The following PBX3 variants were observed in gnomAD, a reference collection of about 807,000 sequenced individuals.
PBX3 encodes the protein PBX homeobox 3.
A neutral mutation model predicts 48.5 loss-of-function variants in PBX3; 14 were observed. The ratio of observed to expected loss-of-function variants is 0.29; its 90% CI spans 0.19 to 0.45. PBX3 has a LOEUF of 0.45. PBX3 is among the 20% of genes least tolerant of loss of function. PBX3 has a pLI of 1.00. For synonymous variants in PBX3, 210 were observed against 200.3 expected (o/e 1.05, Z -0.41); for missense variants, 386 against 546.7 (o/e 0.71, Z 2.93).
At chr9:125,950,482 CTTT>C (rs10623974) in intron 5 of PBX3, among the ~76,000 whole-genome samples, 2 of 143,324 alleles carry the variant, frequency 1.4e-5, no homozygotes, top group African/African-American at 5.1e-5. Flanking sequence ...TTTGCAACTT[CTTT>C]TTTTTTTTTT....
chr9:125,926,678 G>A (rs2132502654), intron 3 of PBX3, among the ~76,000 whole-genome samples: 1 of 152,026 alleles, frequency 6.6e-6, no homozygotes, highest in East Asian at 1.9e-4. Context: ...AAATTACCCG[G>A]GCATGGTGGC....
At chr9:125,872,519 T>C (rs1840148948) in intron 2 of PBX3, among the ~76,000 whole-genome samples, 2 of 152,114 alleles carry the variant, frequency 1.3e-5, no homozygotes, top group African/African-American at 4.8e-5. Context: ...CATTTCTAGG[T>C]TGGGCATAGT....
chr9:125,948,705 CGT>C (rs34522175), intron 5 of PBX3, among the ~76,000 whole-genome samples: 19 of 148,622 alleles, frequency 1.3e-4, no homozygotes, highest in South Asian at 2.1e-4. Context: ...CAGGTATATA[CGT>C]GTGTGTGTGT....
Position 125,748,569 on chromosome 9 carries a change from C to T in PBX3, c.220C>T (p.His74Tyr). ...TTTTAGGAAACATGCCCTGAACTGT[C>T]ACAGAATGAAACCAGCGCTCTTCAG... ...AQAKKHALNC[H>Y]RMKPALFSVL... is the part of the protein sequence containing the mutation. Residue 74 changes from histidine (H) to tyrosine (Y), a missense_variant, in exon 2 of 9, where the codon CAC becomes TAC. Physicochemically the swap from His to Tyr is moderately conservative, Grantham distance 83. Coordinates refer to ENST00000373489, the MANE Select transcript of PBX3 (RefSeq NM_006195.6). The T allele has an allele frequency of 6.2e-7, 1 of 1,613,844 alleles. No homozygotes were observed. The highest frequency in any genetic ancestry group is 1.1e-5 in the South Asian group (1 of 91,064).
rs568018462 is a variant in PBX3 at position 125,763,864 on chromosome 9, T to A, written c.274+15241T>A. ...AGCAATTTTTCCTCTCTGGTTTTTT[T>A]ATTTCATAAATATTATGATAAGCAT... On this transcript the variant is annotated intron_variant, in intron 2 of 8. Transcript: ENST00000373489. Among the ~76,000 whole-genome samples, 78 of 152,366 alleles carry A rather than the reference T, an allele frequency of 5.1e-4. 4 individuals carry two copies. The South Asian group carries it at 0.015, about 30-fold the overall frequency.
chr9:125,947,538 AAGAG>A (rs1214751060), intron 5 of PBX3, among the ~76,000 whole-genome samples: 4 of 152,182 alleles, frequency 2.6e-5, no homozygotes, highest in Admixed American at 2.6e-4. Context: ...CAAACTAATA[AAGAG>A]AGACAGAGAC....
intron 4 of PBX3, among the ~76,000 whole-genome samples, chr9:125,930,649 C>T (rs994837707): frequency 6.6e-6 from 1 of 152,202 alleles, no homozygotes; most frequent in Non-Finnish European, 1.5e-5. Context: ...AAGATAGCTT[C>T]TCAACTGGAA....
intron 8 of PBX3, among the ~76,000 whole-genome samples, chr9:125,964,871 G>T (rs1000524027): frequency 6.6e-6 from 1 of 152,174 alleles, no homozygotes; most frequent in Non-Finnish European, 1.5e-5. Context: ...AGGGAGGCAG[G>T]AGGCACCTTA....
At chr9:125,910,765 A>T (rs940309331) in intron 2 of PBX3, among the ~76,000 whole-genome samples, 2 of 150,454 alleles carry the variant, frequency 1.3e-5, no homozygotes, top group African/African-American at 4.9e-5. Context: ...CAACTAGATC[A>T]CCTGCCATTT....
chr9:125,748,242 C>T lies in PBX3; in HGVS notation c.201-308C>T, dbSNP rs538789121. The stretch of plus-strand genomic sequence containing the variant: ...GCGGGAGCCCCTCCGCACCCGTCCC[C>T]TCCCCCGGGTCGCCTTCGCCTGCCC... On this transcript the variant is annotated intron_variant, in intron 1 of 8. Transcript: ENST00000373489. 167 of 1,042,496 alleles carry T rather than the reference C, an allele frequency of 1.6e-4. No individual in the cohort carries two copies. The African/African-American group carries it at 2.6e-3, about 16-fold the overall frequency. 64.6% of individuals were successfully genotyped at this position (1,042,496 alleles called of 1,614,324 possible).
chr9:125,904,171 T>C (rs981746848), intron 2 of PBX3, among the ~76,000 whole-genome samples: 4 of 151,906 alleles, frequency 2.6e-5, no homozygotes, highest in African/African-American at 9.7e-5. Flanking sequence ...AGTTTTTGGT[T>C]TCCAGTCATT....
At chr9:125,780,710 T>G (rs2132032501) in intron 2 of PBX3, among the ~76,000 whole-genome samples, 2 of 82,154 alleles carry the variant, frequency 2.4e-5, no homozygotes, top group Admixed American at 1.3e-4. Flanking sequence ...CCCACCTCCC[T>G]CCCGGACGGG....
intron 5 of PBX3, among the ~76,000 whole-genome samples, chr9:125,960,071 G>C (rs767459507): frequency 1.3e-4 from 19 of 151,852 alleles, no homozygotes; most frequent in Non-Finnish European, 2.2e-4. Flanking sequence ...TTGCTCCTCT[G>C]TGTTTACATT....
intron 2 of PBX3, among the ~76,000 whole-genome samples, chr9:125,834,165 G>A (rs942798043): frequency 3.9e-5 from 6 of 152,126 alleles, no homozygotes; most frequent in Admixed American, 3.3e-4. Context: ...GAATAATTTC[G>A]AAGCATGATA....
chr9:125,767,134 T>A (rs556352950), intron 2 of PBX3, among the ~76,000 whole-genome samples: 165 of 152,346 alleles, frequency 1.1e-3, no homozygotes, highest in Non-Finnish European at 1.9e-3. Context: ...CTTAACAGCA[T>A]TTTGAAACAG....
intron 8 of PBX3, among the ~76,000 whole-genome samples, chr9:125,964,960 C>T (rs767947037): frequency 1.2e-4 from 18 of 152,284 alleles, no homozygotes; most frequent in African/African-American, 4.1e-4. Flanking sequence ...GCTGCAGGCA[C>T]GGGGAGCCTG....
intron 2 of PBX3, among the ~76,000 whole-genome samples, chr9:125,851,563 C>T (rs553381127): frequency 6.6e-6 from 1 of 152,074 alleles, no homozygotes. Flanking sequence ...AAATACTTCA[C>T]TGTGATTGTT....
At chr9:125,806,108 A>G (rs1224782092) in intron 2 of PBX3, among the ~76,000 whole-genome samples, 2 of 152,340 alleles carry the variant, frequency 1.3e-5, no homozygotes, top group East Asian at 3.9e-4. Flanking sequence ...ATAGGTGACT[A>G]GAGACCAGCC....
chr9:125,828,424 A>G (rs1172138509), intron 2 of PBX3, among the ~76,000 whole-genome samples: 1 of 152,210 alleles, frequency 6.6e-6, no homozygotes, highest in Admixed American at 6.5e-5. Flanking sequence ...AGAGCCCTAT[A>G]AGAAGGGAGA....
Sources: gnomAD v4.1 joint callset for allele counts (sites outside exome capture counted in the v4.1 genomes callset) on GRCh38, gnomAD v4.1.1 for gene constraint, MANE v1.5 for transcripts, NCBI Gene and HGNC (gene_info 2026-07-23, HGNC 2026-07-21) for gene names.